The following MAP7 variants were observed in gnomAD, a reference collection of about 807,000 sequenced individuals.
MAP7 encodes microtubule associated protein 7.
Under a neutral mutation model 94.8 loss-of-function variants are expected in MAP7, and 52 were observed. The ratio of observed to expected loss-of-function variants is 0.55; its 90% CI spans 0.44 to 0.69. MAP7 has a LOEUF of 0.69. Among genes scored for constraint, MAP7 ranks in the 30% least tolerant of loss-of-function variants. MAP7 has a pLI of 0.00. For missense variants in MAP7, 940 were observed against 964.6 expected (o/e 0.97, Z 0.34); for synonymous variants, 350 against 357.0 (o/e 0.98, Z 0.22).
At chr6:136,514,447 G>A (rs964949383) in intron 1 of MAP7, among the ~76,000 whole-genome samples, 1 of 152,004 alleles carries the variant, frequency 6.6e-6, no homozygotes, top group Non-Finnish European at 1.5e-5. Flanking sequence ...TTAGCCAGGT[G>A]TGGTGGTGTA....
At position 136,482,770 on chromosome 6, in the gene MAP7, G is replaced by A. The variant is rs141591833; in HGVS notation, c.68-60971C>T. The stretch of plus-strand genomic sequence containing the variant: ...CATTGTTGGTTGGATACACAGGTCT[G>A]GATCTCAGCATGAGGTCCGAAGATG... On this transcript the variant is annotated intron_variant, in intron 1 of 17. Transcript: ENST00000354570. Among the ~76,000 whole-genome samples the A allele has an allele frequency of 5.2e-3, 793 of 152,244 alleles. 9 individuals are homozygous for A. Among genetic ancestry groups the A allele is most frequent in the African/African-American group, 0.018 (762 of 41,534 alleles).
At chr6:136,499,596 A>G (rs1819272408) in intron 1 of MAP7, among the ~76,000 whole-genome samples, 2 of 152,120 alleles carry the variant, frequency 1.3e-5, no homozygotes, top group Admixed American at 1.3e-4. Flanking sequence ...AGGGGTCAAC[A>G]AGCCTAATCT....
intron 1 of MAP7, among the ~76,000 whole-genome samples, chr6:136,489,270 C>T (rs1028753053): frequency 2.6e-5 from 4 of 151,810 alleles, no homozygotes; most frequent in Non-Finnish European, 5.9e-5. Flanking sequence ...TGTATAAATT[C>T]GCTTGTATCC....
chr6:136,420,132 CAAA>C, intron 2 of MAP7: 2 of 877,952 alleles, frequency 2.3e-6, no homozygotes, highest in Non-Finnish European at 3.9e-6. Flanking sequence ...AATCTTTAAT[CAAA>C]GAAGAAAGTA....
At chr6:136,512,622 C>T (rs576062221) in intron 1 of MAP7, among the ~76,000 whole-genome samples, 10 of 152,216 alleles carry the variant, frequency 6.6e-5, no homozygotes, top group African/African-American at 1.9e-4. Context: ...GTTTTCGTTA[C>T]GCTGTAGTCT....
rs371731335 is a variant in MAP7, at chr6:136,448,141, G to A, written c.68-26342C>T. Among the ~76,000 whole-genome samples, 221 of 152,082 alleles carry A rather than the reference G, an allele frequency of 1.5e-3. 1 individual carries two copies. Among genetic ancestry groups the A allele is most frequent in the African/African-American group, 4.9e-3 (203 of 41,518 alleles). ...CCAGAGGTGGAGGTTGCAGTGAGCC[G>A]AGATCACGCCACTGCACTCCAGCCT... is the stretch of plus-strand genomic sequence containing the variant. On this transcript the variant is annotated intron_variant, in intron 1 of 17. Coordinates refer to ENST00000354570, the MANE Select transcript of MAP7 (RefSeq NM_003980.6).
intron 1 of MAP7, among the ~76,000 whole-genome samples, chr6:136,530,162 A>G (rs1248158915): frequency 6.6e-6 from 1 of 152,214 alleles, no homozygotes; most frequent in Non-Finnish European, 1.5e-5. Flanking sequence ...CTAAAAGCCC[A>G]GTGAGCTTTA....
chr6:136,435,072 T>G (rs1431572817), intron 1 of MAP7, among the ~76,000 whole-genome samples: 6 of 152,248 alleles, frequency 3.9e-5, no homozygotes, highest in Non-Finnish European at 7.3e-5. Flanking sequence ...AATAGGCTCT[T>G]TTCTTCTAAA....
intron 1 of MAP7, among the ~76,000 whole-genome samples, chr6:136,547,076 T>A (rs1442995922): frequency 1.2e-4 from 19 of 152,214 alleles, no homozygotes; most frequent in Admixed American, 1.2e-3. Context: ...CAAATTGACG[T>A]CTGAGCCCTT....
chr6:136,482,841 A>G (rs950153489), intron 1 of MAP7, among the ~76,000 whole-genome samples: 9 of 152,162 alleles, frequency 5.9e-5, no homozygotes, highest in African/African-American at 2.2e-4. Context: ...TAAAACCGCT[A>G]AACTGTGTTG....
At chr6:136,544,392 C>T (rs955930076) in intron 1 of MAP7, among the ~76,000 whole-genome samples, 2 of 152,228 alleles carry the variant, frequency 1.3e-5, no homozygotes, top group Non-Finnish European at 2.9e-5. Flanking sequence ...CCAACTCTTG[C>T]ACCAACAACT....
chr6:136,548,066 G>A (rs1422129461), intron 1 of MAP7, among the ~76,000 whole-genome samples: 2 of 151,418 alleles, frequency 1.3e-5, no homozygotes, highest in Non-Finnish European at 2.9e-5. Flanking sequence ...GATGGTAATA[G>A]TTTCTCTGTC....
At chr6:136,454,276 T>TCG (rs1802076845) in intron 1 of MAP7, among the ~76,000 whole-genome samples, 2 of 136,150 alleles carry the variant, frequency 1.5e-5, no homozygotes, top group African/African-American at 5.8e-5. Flanking sequence ...CTAAATGATC[T>TCG]ATCTATCTAT....
intron 1 of MAP7, among the ~76,000 whole-genome samples, chr6:136,530,701 T>C (rs1828413251): frequency 6.9e-6 from 1 of 145,168 alleles, no homozygotes; most frequent in South Asian, 2.1e-4. Flanking sequence ...ATGCATAGCA[T>C]AGAAGAGGCT....
At chr6:136,471,346 TC>T (rs370305713) in intron 1 of MAP7, among the ~76,000 whole-genome samples, 78 of 152,318 alleles carry the variant, frequency 5.1e-4, no homozygotes, top group Non-Finnish European at 8.8e-4. Context: ...CCCTTCTTAA[TC>T]GTAGTTCTTT....
chr6:136,444,608 C>CT (rs1390155749), intron 1 of MAP7, among the ~76,000 whole-genome samples: 1 of 152,100 alleles, frequency 6.6e-6, no homozygotes, highest in East Asian at 1.9e-4. Context: ...TGATGTTTTC[C>CT]TTAACCTGTT....
At chr6:136,448,932 C>T (rs974492322) in intron 1 of MAP7, among the ~76,000 whole-genome samples, 7 of 151,388 alleles carry the variant, frequency 4.6e-5, no homozygotes, top group African/African-American at 1.7e-4. Flanking sequence ...CATCCATCAG[C>T]GCATCTGTTC....
chr6:136,360,158 T>TA (rs978842287), intron 13 of MAP7, 127 bp from the exon 14 acceptor site: 23 of 753,092 alleles, frequency 3.1e-5, no homozygotes, highest in African/African-American at 2.7e-4. Context: ...ATGCACTTTT[T>TA]TTTTTTTTTT....
intron 6 of MAP7, among the ~76,000 whole-genome samples, chr6:136,380,994 C>A (rs1362854885): frequency 6.6e-6 from 1 of 152,206 alleles, no homozygotes; most frequent in East Asian, 1.9e-4. Context: ...AGGCCTATGC[C>A]TTAGGACTGA....
Sources: allele counts gnomAD v4.1 joint callset (sites outside exome capture counted in the v4.1 genomes callset), GRCh38; gene constraint gnomAD v4.1.1; transcripts MANE v1.5; gene names NCBI Gene and HGNC (gene_info 2026-07-23, HGNC 2026-07-21).